PARD3B: variants seen among roughly 807,000 people sequenced by gnomAD.
The protein encoded by PARD3B is par-3 family cell polarity regulator beta, also known as partitioning defective 3 homolog B.
A neutral mutation model predicts 130.2 loss-of-function variants in PARD3B; 103 were observed. The ratio of observed to expected loss-of-function variants is 0.79; its 90% CI spans 0.67 to 0.93. The LOEUF (loss-of-function observed/expected upper bound fraction) is 0.93, where lower values mean the gene tolerates loss of function less well. PARD3B is among the 40% of genes least tolerant of loss of function. The probability of loss-of-function intolerance (pLI) is 0.00; values close to 1 mark genes in which losing one functional copy is unlikely to be tolerated. For missense variants in PARD3B, 1,609 were observed against 1,499.2 expected (o/e 1.07, Z -1.21); for synonymous variants, 583 against 553.2 (o/e 1.05, Z -0.76).
intron 4 of PARD3B, among the ~76,000 whole-genome samples, chr2:205,068,018 C>T (rs888352030): frequency 6.6e-6 from 1 of 152,184 alleles, no homozygotes; most frequent in Admixed American, 6.5e-5. Flanking sequence ...TCATGCTTTA[C>T]ATGCCCTACA....
rs572373636 is a variant in PARD3B, at chr2:205,401,170, G to A, written c.2741+47G>A. On this transcript the variant is annotated intron_variant, in intron 19 of 22. Transcript: ENST00000406610. The stretch of plus-strand genomic sequence containing the variant: ...TTCATTTTCTTTGACTCTATGGTCT[G>A]GGTTTAATTTAGATATTGCAACAGT... The A allele has an allele frequency of 4.9e-6, 7 of 1,440,254 alleles. No individual in the cohort carries two copies. In the African/African-American group the frequency reaches 8.4e-5, roughly 17 times the overall value. 89.2% of individuals were successfully genotyped at this position (1,440,254 alleles called of 1,614,324 possible).
At chr2:205,238,850 ATATAT>A (rs536241216) in intron 15 of PARD3B, among the ~76,000 whole-genome samples, 693 of 65,894 alleles carry the variant, frequency 0.011, 40 homozygotes, top group African/African-American at 0.041. Flanking sequence ...AAAAAAAAAA[ATATAT>A]ATATATATAT....
intron 3 of PARD3B, among the ~76,000 whole-genome samples, chr2:205,043,753 C>T (rs191122985): frequency 4.6e-5 from 7 of 152,166 alleles, no homozygotes; most frequent in Admixed American, 2.0e-4. Context: ...TCCTAATTAC[C>T]TGCCCTCTGT....
intron 18 of PARD3B, among the ~76,000 whole-genome samples, chr2:205,329,090 A>G (rs1354541486): frequency 1.3e-5 from 2 of 152,102 alleles, no homozygotes; most frequent in African/African-American, 2.4e-5. Flanking sequence ...CCATTCATTC[A>G]TCTGATAAAT....
intron 16 of PARD3B, among the ~76,000 whole-genome samples, chr2:205,252,252 G>A (rs2039881032): frequency 6.6e-6 from 1 of 152,114 alleles, no homozygotes; most frequent in African/African-American, 2.4e-5. Flanking sequence ...AATTATTTTA[G>A]TTCCACTCAT....
intron 18 of PARD3B, among the ~76,000 whole-genome samples, chr2:205,373,033 C>T (rs1039295390): frequency 2.2e-4 from 34 of 152,170 alleles, no homozygotes; most frequent in African/African-American, 8.0e-4. Flanking sequence ...GCTTCAAAAA[C>T]TAAACTTTTA....
chr2:205,117,932 C>CACACATACACACACACACACAT, intron 6 of PARD3B, among the ~76,000 whole-genome samples: 1 of 152,128 alleles, frequency 6.6e-6, no homozygotes, highest in Non-Finnish European at 1.5e-5. Context: ...CACACACACA[C>CACACATACACACACACACACAT]ACACATACAC....
chr2:204,808,068 A>G (rs967970669), intron 2 of PARD3B, among the ~76,000 whole-genome samples: 1 of 152,122 alleles, frequency 6.6e-6, no homozygotes, highest in Non-Finnish European at 1.5e-5. Flanking sequence ...AAAGTAGCTC[A>G]TGTACCCTAT....
At chr2:204,671,202 T>C (rs1038400340) in intron 1 of PARD3B, among the ~76,000 whole-genome samples, 26 of 152,222 alleles carry the variant, frequency 1.7e-4, no homozygotes, top group African/African-American at 6.3e-4. Context: ...TGGCGTTGGA[T>C]AGAGTAGCAA....
chr2:205,139,973 C>G (rs80214092), intron 10 of PARD3B, among the ~76,000 whole-genome samples: 14,543 of 152,238 alleles, frequency 0.096, 1,130 homozygotes, highest in African/African-American at 0.21. Flanking sequence ...GAATACTGAT[C>G]GCATGTGAAT....
chr2:205,279,041 A>G (rs62171470), intron 16 of PARD3B, among the ~76,000 whole-genome samples: 5,083 of 122,396 alleles, frequency 0.042, 94 homozygotes, highest in Middle Eastern at 0.085. Flanking sequence ...ACTTCACCCC[A>G]GCCTGGATGA....
intron 2 of PARD3B, among the ~76,000 whole-genome samples, chr2:204,949,194 G>A (rs553419930): frequency 5.3e-5 from 8 of 152,056 alleles, no homozygotes; most frequent in East Asian, 1.9e-4. Flanking sequence ...TATCAATATC[G>A]CATGGGTAGA....
In PARD3B at chr2:205,618,675, T is replaced by C. The variant is rs1295570233; in HGVS notation, c.*2862T>C. On this transcript the variant is annotated 3_prime_UTR_variant, in exon 23 of 23. Coordinates refer to ENST00000406610, the MANE Select transcript of PARD3B (RefSeq NM_001302769.2). ...AGTCACTAGATATTTTAAGAAGCCC[T>C]ATTTTTCTCCCTTTTTGCAGGAGTA... 6.6e-6 allele frequency: 1 copy of C among 152,186 alleles called. No homozygotes were observed. 9.4% of individuals were successfully genotyped at this position (152,186 alleles called of 1,614,324 possible). A position where few individuals can be genotyped will look rare whatever the true frequency, so the allele number is the denominator to read the frequency against.
rs567220870 is a variant in PARD3B, at chr2:205,253,507, G to T, written c.2185+7685G>T. On this transcript the variant is annotated intron_variant, in intron 16 of 22. Coordinates refer to ENST00000406610, the MANE Select transcript of PARD3B (RefSeq NM_001302769.2). The surrounding 1 kb of genome is among the most constrained non-coding windows in gnomAD (Gnocchi z 4.4). ...TTGGCGGGCACTGGAAGTACCTGGG[G>T]AAGCAGGAGAGACTCACACTGCTGT... 4 of 552,304 alleles carry T rather than the reference G, an allele frequency of 7.2e-6. No homozygotes were observed. In the East Asian group the frequency reaches 1.9e-4, roughly 27 times the overall value. The allele number at this position is 552,304 out of a possible 1,614,324, so 34.2% of individuals were successfully genotyped here. A position where few individuals can be genotyped will look rare whatever the true frequency, so the allele number is the denominator to read the frequency against.
Position 205,158,596 on chromosome 2 carries a change from C to T in PARD3B, c.1435-126C>T, listed in dbSNP as rs535021834. 2.3e-5 allele frequency: 22 copies of T among 963,648 alleles called. No individual in the cohort carries two copies. Among genetic ancestry groups the T allele is most frequent in the Admixed American group, 1.4e-4 (6 of 42,086 alleles). The allele number at this position is 963,648 out of a possible 1,614,324, so 59.7% of individuals were successfully genotyped here. The stretch of plus-strand genomic sequence containing the variant: ...AACCCAGCCTTTGCCTGCCAGGAGC[C>T]GATTACAGCTGTGAGAGGTCCAGTC... On this transcript the variant is annotated intron_variant, in intron 10 of 22. Transcript: ENST00000406610. This position sits in a 1 kb window ranked among gnomAD's most constrained non-coding sequence, Gnocchi z 5.4.
chr2:204,790,445 C>T (rs1029337996), intron 2 of PARD3B, among the ~76,000 whole-genome samples: 3 of 152,218 alleles, frequency 2.0e-5, no homozygotes, highest in South Asian at 2.1e-4. Flanking sequence ...TAACTTCAAG[C>T]GTTGGGAATT....
chr2:205,553,390 G>A lies in PARD3B; in HGVS notation c.3247G>A (p.Ala1083Thr), dbSNP rs368688012. ...LRFEGMERQY[A>T]SLPRGGPADP... Reference sequence around the variant, plus strand: ...CTTTGAAGGGATGGAGAGGCAGTACGCATCCTTACCCAGGTAGATCACGGA... The same window carrying A: ...CTTTGAAGGGATGGAGAGGCAGTACACATCCTTACCCAGGTAGATCACGGA... Residue 1083 changes from alanine to threonine, a missense_variant, in exon 22 of 23, where the codon GCA (alanine) becomes ACA (threonine). By Grantham distance (58) the Ala-to-Thr change is moderately conservative (BLOSUM62 0). Coordinates refer to ENST00000406610, the MANE Select transcript of PARD3B (RefSeq NM_001302769.2). 11 of 1,613,738 alleles carry A rather than the reference G, an allele frequency of 6.8e-6. No individual in the cohort carries two copies. Among genetic ancestry groups the A allele is most frequent in the South Asian group, 4.4e-5 (4 of 91,074 alleles).
intron 15 of PARD3B, among the ~76,000 whole-genome samples, chr2:205,242,853 T>C (rs2039411088): frequency 6.6e-6 from 1 of 152,094 alleles, no homozygotes; most frequent in East Asian, 1.9e-4. Context: ...CCATTTCTCA[T>C]ATGGAGAAAC....
At chr2:204,577,683 C>T (rs764030378) in intron 1 of PARD3B, among the ~76,000 whole-genome samples, 292 of 152,286 alleles carry the variant, frequency 1.9e-3, no homozygotes, top group Non-Finnish European at 2.4e-3. Flanking sequence ...AGGATATTCT[C>T]ACTTCAGCCT....
Sources: gnomAD v4.1 joint callset for allele counts (sites outside exome capture counted in the v4.1 genomes callset) on GRCh38, gnomAD v4.1.1 for gene constraint, Gnocchi (gnomAD v3.1) non-coding constraint, MANE v1.5 for transcripts, NCBI Gene and HGNC (gene_info 2026-07-23, HGNC 2026-07-21) for gene names.